The following CHKA variants were observed in gnomAD, a reference collection of about 807,000 sequenced individuals.
The protein encoded by CHKA is CHETK-alpha.
CHKA carries 34 observed loss-of-function variants against 60.1 expected under a neutral mutation model. That is an observed-to-expected ratio of 0.57 (90% CI 0.43 to 0.75). The LOEUF is 0.75. CHKA is among the 30% of genes least tolerant of loss of function. The probability of loss-of-function intolerance (pLI) is 0.00; values close to 1 mark genes in which losing one functional copy is unlikely to be tolerated. For synonymous variants in CHKA, 217 were observed against 223.1 expected (o/e 0.97, Z 0.24); for missense variants, 563 against 561.3 (o/e 1.00, Z -0.03).
intron 11 of CHKA, among the ~76,000 whole-genome samples, chr11:68,056,135 A>T (rs534170646): frequency 7.0e-4 from 106 of 152,304 alleles, no homozygotes; most frequent in African/African-American, 2.5e-3. Context: ...TTTATTAAAT[A>T]TACATTTGTA....
At chr11:68,096,256 G>A (rs955144975) in intron 2 of CHKA, among the ~76,000 whole-genome samples, 1 of 148,890 alleles carries the variant, frequency 6.7e-6, no homozygotes, top group African/African-American at 2.5e-5. Flanking sequence ...AGCTACTTGG[G>A]AGGCTTAGGC....
chr11:68,054,774 C>T (rs558876670), intron 11 of CHKA, among the ~76,000 whole-genome samples: 15 of 152,328 alleles, frequency 9.8e-5, no homozygotes, highest in African/African-American at 1.9e-4. Context: ...TCTCCACCAC[C>T]GCAGTCAGGA....
chr11:68,100,643 G>A (rs949004625), intron 1 of CHKA, among the ~76,000 whole-genome samples: 4 of 147,742 alleles, frequency 2.7e-5, no homozygotes, highest in Admixed American at 2.0e-4. Context: ...ATACAAGAGC[G>A]AAACATCATC....
chr11:68,090,495 G>T (rs1857315971), intron 2 of CHKA, among the ~76,000 whole-genome samples: 1 of 152,140 alleles, frequency 6.6e-6, no homozygotes, highest in Non-Finnish European at 1.5e-5. Context: ...ATAGGTTTTA[G>T]CAGCTGATTT....
chr11:68,108,639 G>A (rs1287763619), intron 1 of CHKA, among the ~76,000 whole-genome samples: 1 of 152,198 alleles, frequency 6.6e-6, no homozygotes, highest in Non-Finnish European at 1.5e-5. Context: ...AGCCACTTGG[G>A]AGGCTGAGGC....
chr11:68,096,798 T>G (rs1857528970), intron 2 of CHKA, among the ~76,000 whole-genome samples: 1 of 152,194 alleles, frequency 6.6e-6, no homozygotes, highest in Non-Finnish European at 1.5e-5. Context: ...CTGGGAATAC[T>G]TGCACTAGTT....
intron 10 of CHKA, among the ~76,000 whole-genome samples, chr11:68,062,592 C>T (rs1278077198): frequency 6.6e-6 from 1 of 152,212 alleles, no homozygotes; most frequent in Non-Finnish European, 1.5e-5. Context: ...GCCCCCAAGT[C>T]ACTGTGAATC....
chr11:68,079,414 C>G (rs1856902700), intron 3 of CHKA, among the ~76,000 whole-genome samples: 1 of 152,116 alleles, frequency 6.6e-6, no homozygotes, highest in African/African-American at 2.4e-5. Context: ...ACTGCAAGCT[C>G]TGCCTCCTAG....
intron 11 of CHKA, among the ~76,000 whole-genome samples, chr11:68,054,403 C>T (rs962765311): frequency 5.9e-5 from 9 of 152,192 alleles, no homozygotes; most frequent in Non-Finnish European, 1.3e-4. Flanking sequence ...CGACATAACA[C>T]ACCTTTTAGA....
In CHKA at chr11:68,103,544, T is replaced by C. The variant is rs562280745; in HGVS notation, c.351-6414A>G. Among the ~76,000 whole-genome samples, 201 of 152,110 alleles carry C rather than the reference T, an allele frequency of 1.3e-3. 1 individual carries two copies. The highest frequency in any genetic ancestry group is 3.4e-3 in the African/African-American group (140 of 41,492). ...GTTAGTACAGATATGAAAAACAGTA[T>C]GCAGGGTCCTCAGAAAATTAAAAAT... On this transcript the variant is annotated intron_variant, in intron 1 of 11. Transcript: ENST00000265689.
At chr11:68,066,064 G>A (rs1856433430) in intron 8 of CHKA, among the ~76,000 whole-genome samples, 170 bp from the exon 9 acceptor site, 1 of 152,180 alleles carries the variant, frequency 6.6e-6, no homozygotes. Flanking sequence ...GAGACAACAG[G>A]TGGTTGATCA....
At chr11:68,085,853 T>C (rs1467607577) in intron 2 of CHKA, among the ~76,000 whole-genome samples, 1 of 152,044 alleles carries the variant, frequency 6.6e-6, no homozygotes, top group Non-Finnish European at 1.5e-5. Context: ...AACCTCCACC[T>C]CCTGGGTTCA....
At chr11:68,082,336 C>T (rs1042629893) in intron 2 of CHKA, among the ~76,000 whole-genome samples, 1 of 152,058 alleles carries the variant, frequency 6.6e-6, no homozygotes, top group Non-Finnish European at 1.5e-5. Context: ...ACTTGTGTCA[C>T]GTCAAACTTT....
chr11:68,074,909 GTTT>G, intron 3 of CHKA, 79 bp from the exon 4 acceptor site: 2 of 1,226,464 alleles, frequency 1.6e-6, no homozygotes, highest in Non-Finnish European at 2.4e-6. Context: ...TCACAGGAGT[GTTT>G]CATCTGATCC....
intron 2 of CHKA, among the ~76,000 whole-genome samples, chr11:68,088,007 G>A (rs541912914): frequency 6.6e-6 from 1 of 150,994 alleles, no homozygotes. Context: ...CAGCTACTCA[G>A]GGGACTGAGG....
At chr11:68,076,364 A>G (rs1293744325) in intron 3 of CHKA, among the ~76,000 whole-genome samples, 1 of 152,214 alleles carries the variant, frequency 6.6e-6, no homozygotes, top group Non-Finnish European at 1.5e-5. Flanking sequence ...TTAGTTGTCA[A>G]AAGGTTTCCA....
intron 1 of CHKA, among the ~76,000 whole-genome samples, chr11:68,120,457 C>T (rs993081157): frequency 1.3e-5 from 2 of 152,216 alleles, no homozygotes; most frequent in Non-Finnish European, 2.9e-5. Flanking sequence ...AAGCCAGCCA[C>T]AACACCTTCA....
At chr11:68,064,666 G>T in intron 9 of CHKA, 35 bp from the exon 10 acceptor site, 1 of 1,242,054 alleles carries the variant, frequency 8.1e-7, no homozygotes, top group Non-Finnish European at 1.2e-6. Context: ...GATCAATGAT[G>T]GTTAAAATAG....
chr11:68,112,611 G>A (rs573693945), intron 1 of CHKA, among the ~76,000 whole-genome samples: 1 of 152,280 alleles, frequency 6.6e-6, no homozygotes, highest in East Asian at 1.9e-4. Context: ...AGAAATAATT[G>A]ATAGGCCAGA....
Sources: gnomAD v4.1 joint callset for allele counts (sites outside exome capture counted in the v4.1 genomes callset) on GRCh38, gnomAD v4.1.1 for gene constraint, MANE v1.5 for transcripts, NCBI Gene and HGNC (gene_info 2026-07-23, HGNC 2026-07-21) for gene names.